Variants in PPFIA2 observed in about 807,000 individuals in gnomAD.
The protein encoded by PPFIA2 is liprin-alpha-2.
PPFIA2 carries 46 observed loss-of-function variants against 175.5 expected under a neutral mutation model. That is an observed-to-expected ratio of 0.26 (90% CI 0.21 to 0.34). The LOEUF (loss-of-function observed/expected upper bound fraction) is 0.34, where lower values mean the gene tolerates loss of function less well. Ranked by LOEUF, PPFIA2 falls within the 10% of genes least tolerant of loss-of-function variation. The pLI is 1.00. For missense variants in PPFIA2, 1,179 were observed against 1,506.1 expected (o/e 0.78, Z 3.60); for synonymous variants, 568 against 511.4 (o/e 1.11, Z -1.49).
chr12:81,291,009 C>T (rs142450140), intron 24 of PPFIA2, among the ~76,000 whole-genome samples: 3 of 151,682 alleles, frequency 2.0e-5, no homozygotes, highest in African/African-American at 7.2e-5. Context: ...AAAATGCTTA[C>T]ACTACATTAC....
intron 4 of PPFIA2, among the ~76,000 whole-genome samples, chr12:81,562,971 A>G (rs532459241): frequency 6.6e-6 from 1 of 151,922 alleles, no homozygotes; most frequent in East Asian, 1.9e-4. Context: ...GCAAGGAAAG[A>G]TATTCTTGCA....
chr12:81,710,514 C>A (rs2077755176), intron 3 of PPFIA2, among the ~76,000 whole-genome samples: 2 of 151,850 alleles, frequency 1.3e-5, no homozygotes, highest in South Asian at 2.1e-4. Context: ...ATAATACATG[C>A]AGGTATAAAT....
chr12:81,517,154 T>C (rs1476118959), intron 4 of PPFIA2, among the ~76,000 whole-genome samples: 1 of 149,838 alleles, frequency 6.7e-6, no homozygotes, highest in Admixed American at 6.7e-5. Context: ...AGAGCTCTAG[T>C]AGAAGACAAC....
Position 81,489,750 on chromosome 12 carries a change from G to T in PPFIA2, c.304-31884C>A, listed in dbSNP as rs536884453. Among the ~76,000 whole-genome samples, 4 of 151,942 alleles carry T rather than the reference G, an allele frequency of 2.6e-5. No homozygotes were observed. The South Asian group carries it at 8.3e-4, about 32-fold the overall frequency. On this transcript the variant is annotated intron_variant, in intron 4 of 32. Transcript: ENST00000549396. Reference sequence around the variant, plus strand: ...GCTATACATGAATAGTGAAAGTATTGTATTTGTTATTTGAAATGTGTCGAT... The same window carrying T: ...GCTATACATGAATAGTGAAAGTATTTTATTTGTTATTTGAAATGTGTCGAT...
At chr12:81,438,534 T>C (rs1337057972) in intron 7 of PPFIA2, among the ~76,000 whole-genome samples, 2 of 152,086 alleles carry the variant, frequency 1.3e-5, no homozygotes, top group Non-Finnish European at 2.9e-5. Flanking sequence ...CTGAGAAGAT[T>C]TATTGAGTGG....
chr12:81,260,105 CAGT>C, intron 32 of PPFIA2: 1 of 153,282 alleles, frequency 6.5e-6, no homozygotes, highest in Middle Eastern at 3.4e-3. Flanking sequence ...ACGTTTGTGT[CAGT>C]AGTATGGCAT....
chr12:81,367,100 C>A lies in PPFIA2; in HGVS notation c.1545+8G>T. The A allele has an allele frequency of 6.8e-7, 1 of 1,460,476 alleles. No individual in the cohort carries two copies. The highest frequency in any genetic ancestry group is 9.1e-7 in the Non-Finnish European group (1 of 1,100,236). 90.5% of individuals were successfully genotyped at this position (1,460,476 alleles called of 1,614,324 possible). The stretch of plus-strand genomic sequence containing the variant: ...AAAATGGGCCCAAAACATAAGTTTC[C>A]ATTATACCTTATCATGTAAAGATTC... On this transcript the variant is annotated splice_region_variant and intron_variant, in intron 14 of 32. Transcript: ENST00000549396.
chr12:81,338,776 T>G (rs574301768), intron 21 of PPFIA2, among the ~76,000 whole-genome samples: 68 of 152,232 alleles, frequency 4.5e-4, no homozygotes, highest in African/African-American at 1.6e-3. Context: ...GGCAGTATAC[T>G]CAATGGTTTT....
chr12:81,503,635 A>T (rs2060830432), intron 4 of PPFIA2, among the ~76,000 whole-genome samples: 1 of 151,990 alleles, frequency 6.6e-6, no homozygotes, highest in South Asian at 2.1e-4. Flanking sequence ...TTATAAACTT[A>T]TAGATAAACT....
chr12:81,712,784 ACT>A (rs2078111416), intron 3 of PPFIA2, among the ~76,000 whole-genome samples: 1 of 149,838 alleles, frequency 6.7e-6, no homozygotes, highest in Non-Finnish European at 1.5e-5. Flanking sequence ...ACAAAAAAAG[ACT>A]CTTACGCTTT....
intron 21 of PPFIA2, among the ~76,000 whole-genome samples, chr12:81,338,840 T>G (rs1405955565): frequency 1.3e-5 from 2 of 152,120 alleles, no homozygotes; most frequent in African/African-American, 4.8e-5. Context: ...ATGCGATTTA[T>G]GAAGACATTA....
At chr12:81,595,818 T>A (rs1413218389) in intron 4 of PPFIA2, among the ~76,000 whole-genome samples, 1 of 152,174 alleles carries the variant, frequency 6.6e-6, no homozygotes, top group African/African-American at 2.4e-5. Flanking sequence ...CAGGATAGTT[T>A]GGATGTTTAA....
intron 4 of PPFIA2, among the ~76,000 whole-genome samples, chr12:81,483,393 T>C (rs1255673881): frequency 8.5e-5 from 13 of 152,128 alleles, no homozygotes; most frequent in Non-Finnish European, 1.6e-4. Context: ...ATAAAGTATT[T>C]ATAAGCTATA....
intron 4 of PPFIA2, among the ~76,000 whole-genome samples, chr12:81,608,619 T>C (rs1312518881): frequency 3.3e-5 from 5 of 152,082 alleles, no homozygotes; most frequent in Admixed American, 6.5e-5. Context: ...CCTTTGTGTT[T>C]CTGTGGGATC....
intron 4 of PPFIA2, among the ~76,000 whole-genome samples, chr12:81,628,376 C>CTTTTTTT (rs11304359): frequency 8.1e-5 from 9 of 111,674 alleles, no homozygotes; most frequent in Non-Finnish European, 1.1e-4. Flanking sequence ...TTTCTTTTAC[C>CTTTTTTT]TTTTTTTTTT....
At chr12:81,675,241 GA>G (rs1567819303) in intron 4 of PPFIA2, among the ~76,000 whole-genome samples, 4 of 151,252 alleles carry the variant, frequency 2.6e-5, no homozygotes, top group African/African-American at 4.9e-5. Context: ...TAGAGAGAGA[GA>G]GATAAAGTTG....
chr12:81,581,497 T>A (rs2074396112), intron 4 of PPFIA2, among the ~76,000 whole-genome samples: 1 of 151,798 alleles, frequency 6.6e-6, no homozygotes, highest in Non-Finnish European at 1.5e-5. Context: ...CTCCTCCCCA[T>A]ATCATTTAAA....
intron 7 of PPFIA2, among the ~76,000 whole-genome samples, chr12:81,420,095 C>G (rs1027925276): frequency 1.3e-5 from 2 of 152,156 alleles, no homozygotes; most frequent in African/African-American, 4.8e-5. Flanking sequence ...CTGCTGCCCA[C>G]TCCTGGAGCT....
chr12:81,644,917 A>G (rs2065848929), intron 4 of PPFIA2, among the ~76,000 whole-genome samples: 1 of 129,062 alleles, frequency 7.7e-6, no homozygotes, highest in Non-Finnish European at 1.7e-5. Flanking sequence ...AATTTCAGTT[A>G]TTAAGAATTT....
Sources: gnomAD v4.1 joint callset for allele counts (sites outside exome capture counted in the v4.1 genomes callset) on GRCh38, gnomAD v4.1.1 for gene constraint, MANE v1.5 for transcripts, NCBI Gene and HGNC (gene_info 2026-07-23, HGNC 2026-07-21) for gene names.